The following PKNOX2 variants were observed in gnomAD, a reference collection of about 807,000 sequenced individuals.
PKNOX2 encodes the protein homeobox protein PKNOX2.
A neutral mutation model predicts 53.1 loss-of-function variants in PKNOX2; 14 were observed. That is an observed-to-expected ratio of 0.26 (90% CI 0.17 to 0.41). The LOEUF is 0.41. Ranked by LOEUF, PKNOX2 falls within the 10% of genes least tolerant of loss-of-function variation. The pLI, the probability that PKNOX2 is intolerant of heterozygous loss-of-function variation, is 1.00. For missense variants in PKNOX2, 496 were observed against 602.8 expected, an observed-to-expected ratio of 0.82 and a Z score of 1.85; for synonymous variants, 257 against 242.8, an observed-to-expected ratio of 1.06 and a Z score of -0.54.
At chr11:125,264,069 A>G (rs1433737086) in intron 2 of PKNOX2, among the ~76,000 whole-genome samples, 5 of 152,178 alleles carry the variant, frequency 3.3e-5, no homozygotes, top group Non-Finnish European at 5.9e-5. Context: ...TCAAGCCCCT[A>G]CAAGAGTTAA....
intron 2 of PKNOX2, among the ~76,000 whole-genome samples, chr11:125,235,858 G>T (rs1565475916): frequency 6.6e-6 from 1 of 152,048 alleles, no homozygotes; most frequent in Non-Finnish European, 1.5e-5. Flanking sequence ...TGAGCTCCTG[G>T]GGGGTAAAGT....
At position 125,431,521 on chromosome 11, in the gene PKNOX2, T is replaced by G; in HGVS notation, c.*129T>G. 2.3e-4 allele frequency: 241 copies of G among 1,047,594 alleles called. No individual in the cohort carries two copies. The highest frequency in any genetic ancestry group is 3.8e-4 in the East Asian group (14 of 36,410). 64.9% of individuals were successfully genotyped at this position (1,047,594 alleles called of 1,614,324 possible). A position where few individuals can be genotyped will look rare whatever the true frequency, so the allele number is the denominator to read the frequency against. On this transcript the variant is annotated 3_prime_UTR_variant, in exon 13 of 13. Transcript: ENST00000298282. ...TTGGGCCCTAGCTTCCCCAAATCAG[T>G]AGCTTGAAGAAAGGCAAAGGAGACA...
intron 2 of PKNOX2, among the ~76,000 whole-genome samples, chr11:125,300,044 G>A (rs992904898): frequency 2.0e-5 from 3 of 152,218 alleles, no homozygotes; most frequent in Non-Finnish European, 4.4e-5. Context: ...GTTGTCCAGG[G>A]GTGGAGTCAC....
chr11:125,391,696 A>G (rs972035027), intron 6 of PKNOX2, among the ~76,000 whole-genome samples: 17 of 152,222 alleles, frequency 1.1e-4, no homozygotes, highest in African/African-American at 4.1e-4. Context: ...ACTTGTGTAC[A>G]GTGGTAGGAG....
chr11:125,179,159 G>A (rs1956005289), intron 1 of PKNOX2, among the ~76,000 whole-genome samples: 1 of 152,140 alleles, frequency 6.6e-6, no homozygotes. Context: ...TATTCCTCAA[G>A]TATTTATTAG....
intron 2 of PKNOX2, among the ~76,000 whole-genome samples, chr11:125,284,301 G>A (rs952184080): frequency 2.0e-5 from 3 of 152,198 alleles, no homozygotes; most frequent in Non-Finnish European, 4.4e-5. Flanking sequence ...CTGCCTCTGG[G>A]AGCCCTTCCC....
intron 1 of PKNOX2, among the ~76,000 whole-genome samples, chr11:125,218,803 A>G (rs1234168303): frequency 6.6e-6 from 1 of 152,200 alleles, no homozygotes; most frequent in African/African-American, 2.4e-5. Context: ...AAAAAGGCTT[A>G]AAGAGTGAGG....
At chr11:125,404,613 ACACACACAT>A (rs998268091) in intron 7 of PKNOX2, among the ~76,000 whole-genome samples, 14 of 144,394 alleles carry the variant, frequency 9.7e-5, no homozygotes, top group Admixed American at 6.8e-4. Context: ...ACACACACAA[ACACACACAT>A]CACACACACA....
intron 1 of PKNOX2, among the ~76,000 whole-genome samples, chr11:125,181,009 A>G (rs1565463060): frequency 6.6e-6 from 1 of 152,230 alleles, no homozygotes; most frequent in Non-Finnish European, 1.5e-5. Flanking sequence ...TAGGGAGACA[A>G]TGCTTACTGA....
At position 125,351,316 on chromosome 11, in the gene PKNOX2, A is replaced by G. The variant is rs1226780156; in HGVS notation, c.11A>G (p.His4Arg). Residue 4 changes from histidine (H) to arginine (R), a missense_variant, in exon 4 of 13, where the codon CAT (histidine) becomes CGT (arginine). Around this residue, in one of 5 missense-constraint regions of PKNOX2, gnomAD observed 168 missense variants for 178.4 expected, o/e 0.94. Coordinates refer to ENST00000298282, the MANE Select transcript of PKNOX2 (RefSeq NM_001382323.2). Reference protein sequence around the residue: MMQHASPAPALTMM... With the variant: MMQRASPAPALTMM... ...ATGTGAATCAATCCCATGATGCAAC[A>G]TGCCTCCCCAGCCCCCGCTCTGACG... is the stretch of plus-strand genomic sequence containing the variant. 2 of 1,602,102 alleles carry G rather than the reference A, an allele frequency of 1.2e-6. No homozygotes were observed. The highest frequency in any genetic ancestry group is 1.3e-5 in the African/African-American group (1 of 74,742).
intron 1 of PKNOX2, among the ~76,000 whole-genome samples, chr11:125,215,192 C>T (rs990847678): frequency 1.3e-5 from 2 of 152,042 alleles, no homozygotes; most frequent in Admixed American, 1.3e-4. Context: ...GAAGGCTGTT[C>T]TTCCCCCACC....
chr11:125,236,642 A>G (rs1942724471), intron 2 of PKNOX2, among the ~76,000 whole-genome samples: 1 of 152,198 alleles, frequency 6.6e-6, no homozygotes, highest in African/African-American at 2.4e-5. Context: ...GGGCCTACAG[A>G]TGGGAAGCAG....
chr11:125,314,612 G>A (rs1348880948), intron 2 of PKNOX2, among the ~76,000 whole-genome samples: 3 of 152,228 alleles, frequency 2.0e-5, no homozygotes, highest in East Asian at 1.9e-4. Flanking sequence ...CCCGAGAGCC[G>A]GGCTAGATGC....
At chr11:125,196,894 G>A (rs946150404) in intron 1 of PKNOX2, among the ~76,000 whole-genome samples, 3 of 152,236 alleles carry the variant, frequency 2.0e-5, no homozygotes, top group African/African-American at 7.2e-5. Flanking sequence ...ACTTTGAGAA[G>A]AGGCCTTTGT....
At chr11:125,189,409 ATATATGTGTGTGTGTG>A (rs1565465017) in intron 1 of PKNOX2, among the ~76,000 whole-genome samples, 1 of 35,424 alleles carries the variant, frequency 2.8e-5, no homozygotes, top group Admixed American at 4.1e-4. Flanking sequence ...GTGTGTATAT[ATATATGTGTGTGTGTG>A]TGTGTGTGTG....
At chr11:125,427,786 C>T (rs533907232) in intron 10 of PKNOX2, among the ~76,000 whole-genome samples, 1 of 152,294 alleles carries the variant, frequency 6.6e-6, no homozygotes, top group South Asian at 2.1e-4. Context: ...CCCCAAACCT[C>T]CCCTAGCTTC....
rs181438584 is a variant in PKNOX2 at position 125,326,151 on chromosome 11, C to T, written c.-129-5668C>T. 1.7e-3 allele frequency among the ~76,000 whole-genome samples: 252 copies of T among 152,286 alleles called. 3 individuals are homozygous for T. Among genetic ancestry groups the T allele is most frequent in the Non-Finnish European group, 4.3e-4 (29 of 68,022 alleles). On this transcript the variant is annotated intron_variant, in intron 2 of 12. Transcript: ENST00000298282. Reference sequence around the variant, plus strand: ...TCTCACAATCAAAAGCTTATGATGACATCGAGGGGAGATTAAGATTCACGC... The same window carrying T: ...TCTCACAATCAAAAGCTTATGATGATATCGAGGGGAGATTAAGATTCACGC...
intron 1 of PKNOX2, among the ~76,000 whole-genome samples, chr11:125,180,141 C>G (rs139114464): frequency 1.3e-5 from 2 of 152,198 alleles, no homozygotes; most frequent in Admixed American, 6.5e-5. Context: ...TGGATATCTG[C>G]GTGGCTTGCT....
chr11:125,170,712 A>T (rs989384281), intron 1 of PKNOX2, among the ~76,000 whole-genome samples: 3 of 152,236 alleles, frequency 2.0e-5, no homozygotes, highest in Non-Finnish European at 4.4e-5. Flanking sequence ...TGTGTGTAAT[A>T]AGAAACCCTA....
Sources: allele counts gnomAD v4.1 joint callset (sites outside exome capture counted in the v4.1 genomes callset), GRCh38; gene constraint gnomAD v4.1.1; regional missense constraint gnomAD v4.1.1; transcripts MANE v1.5; gene names NCBI Gene and HGNC (gene_info 2026-07-23, HGNC 2026-07-21).